PRDM4: variants seen among roughly 807,000 people sequenced by gnomAD.
The protein encoded by PRDM4 is PR/SET domain 4.
In PRDM4, 38 loss-of-function variants were observed where a neutral mutation model predicts 62.3. That is an observed-to-expected ratio of 0.61 (90% CI 0.47 to 0.80). PRDM4 has a LOEUF of 0.80. Ranked by LOEUF, PRDM4 falls within the 30% of genes least tolerant of loss-of-function variation. PRDM4 has a pLI of 0.00. For synonymous variants in PRDM4, 339 were observed against 348.2 expected (o/e 0.97, Z 0.30); for missense variants, 858 against 997.1 (o/e 0.86, Z 1.88).
chr12:107,735,569 G>A (rs905357644), intron 11 of PRDM4, among the ~76,000 whole-genome samples: 4 of 151,720 alleles, frequency 2.6e-5, no homozygotes, highest in Admixed American at 1.3e-4. Flanking sequence ...ACTGGGGAGG[G>A]GTGGTATAAT....
chr12:107,733,003 T>TG lies in PRDM4; in HGVS notation c.*1206dup, dbSNP rs2136302594. ...CTACTCCAGCCCAGAGGTTGTGCCT[T>TG]GAGCAGGAGAGCATGTTCCATCAAT... is the stretch of plus-strand genomic sequence containing the variant. On this transcript the variant is annotated 3_prime_UTR_variant, in exon 12 of 12. Transcript: ENST00000228437. 1.3e-5 allele frequency: 2 copies of TG among 152,772 alleles called. No homozygotes were observed. Among genetic ancestry groups the TG allele is most frequent in the African/African-American group, 4.8e-5 (2 of 41,584 alleles). 9.5% of individuals were successfully genotyped at this position (152,772 alleles called of 1,614,324 possible).
chr12:107,754,149 G>C, intron 3 of PRDM4, 40 bp from the exon 4 acceptor site: 2 of 1,465,172 alleles, frequency 1.4e-6, no homozygotes, highest in African/African-American at 1.4e-5. Flanking sequence ...AAAGAAAATA[G>C]GTAATTAAAA....
At chr12:107,756,701 A>G (rs1298351803) in intron 3 of PRDM4, 131 bp downstream of exon 3, 15 of 1,075,034 alleles carry the variant, frequency 1.4e-5, no homozygotes, top group African/African-American at 3.2e-5. Flanking sequence ...ATGTTGAACC[A>G]CCATTCAGGC....
At position 107,751,626 on chromosome 12, in the gene PRDM4, G is replaced by A; in HGVS notation, c.915C>T (p.Thr305=). The A allele has an allele frequency of 1.9e-6, 3 of 1,614,034 alleles. No homozygotes were observed. Among genetic ancestry groups the A allele is most frequent in the Non-Finnish European group, 2.5e-6 (3 of 1,179,892 alleles). Residue 305 remains threonine, a synonymous_variant, in exon 5 of 12, where the codon ACC becomes ACT. Coordinates refer to ENST00000228437, the MANE Select transcript of PRDM4 (RefSeq NM_012406.4). ...ATTCTAGGGAGGCAAGGTTGTGTGA[G>A]GTAGAGAGTGCCACGCTTACAGAGT... ...STNSVSVALS[T]SHNLASLESV...
chr12:107,749,072 G>A (rs1485908879), intron 5 of PRDM4, among the ~76,000 whole-genome samples: 3 of 152,056 alleles, frequency 2.0e-5, no homozygotes, highest in South Asian at 2.1e-4. Context: ...TGATGCTCCC[G>A]TTGAGTCTAT....
rs746706092 is a variant in PRDM4 at position 107,751,594 on chromosome 12, G to C, written c.947C>G (p.Ser316Cys). The change falls in exon 5 of 12, where the codon TCC becomes TGC. Residue 316 changes from serine (S) to cysteine (C), a missense_variant. Physicochemically the swap from Ser to Cys is moderately radical, Grantham distance 112. Transcript: ENST00000228437. ...SHNLASLESV[S>C]LHEVGLSLEP... The stretch of plus-strand genomic sequence containing the variant: ...TAGGCTGAGGCCAACTTCATGGAGG[G>C]AAACAGATTCTAGGGAGGCAAGGTT... 1 of 1,613,724 alleles carries C rather than the reference G, an allele frequency of 6.2e-7. No individual in the cohort carries two copies. The highest frequency in any genetic ancestry group is 1.1e-5 in the South Asian group (1 of 91,078).
rs200896903 is a variant in PRDM4, at chr12:107,751,814, T to G, written c.727A>C (p.Asn243His). 77 of 1,614,104 alleles carry G rather than the reference T, an allele frequency of 4.8e-5. No homozygotes were observed. Among genetic ancestry groups the G allele is most frequent in the Non-Finnish European group, 5.8e-5 (68 of 1,180,040 alleles). ...EPLSVDSVSN[N>H]LAADAVGHGG... ...TGTCCTACAGCGTCTGCTGCAAGGT[T>G]GTTGCTCACAGAATCCACAGACAGA... The change falls in exon 5 of 12, where the codon AAC (asparagine) becomes CAC (histidine). Residue 243 changes from asparagine to histidine, a missense_variant. Asn to His is a moderately conservative substitution (Grantham distance 68). Coordinates refer to ENST00000228437, the MANE Select transcript of PRDM4 (RefSeq NM_012406.4).
At position 107,746,325 on chromosome 12, in the gene PRDM4, G is replaced by C. The variant is rs748539764; in HGVS notation, c.1226C>G (p.Ser409Cys). 6.2e-7 allele frequency: 1 copy of C among 1,614,142 alleles called. No individual in the cohort carries two copies. The highest frequency in any genetic ancestry group is 1.7e-5 in the Admixed American group (1 of 60,008). The change falls in exon 6 of 12, where the codon TCT (serine) becomes TGT (cysteine). Residue 409 changes from serine to cysteine, a missense_variant. Around this residue, in one of 3 missense-constraint regions of PRDM4, gnomAD observed 499 missense variants for 546.7 expected, o/e 0.91. Transcript: ENST00000228437. ...DTPIESRARL[S>C]LPKQLVLRQS... ...ACGGAGAACAAGCTGCTTTGGGAGA[G>C]AAAGCCTTGCTCTGCTCTCTATTGG...
intron 11 of PRDM4, among the ~76,000 whole-genome samples, chr12:107,738,858 T>C (rs1313471274): frequency 6.8e-6 from 1 of 146,694 alleles, no homozygotes; most frequent in Non-Finnish European, 1.5e-5. Context: ...AATTTTTTTT[T>C]TTTAACTGCA....
chr12:107,749,946 G>A (rs1890837507), intron 5 of PRDM4, among the ~76,000 whole-genome samples: 1 of 152,050 alleles, frequency 6.6e-6, no homozygotes, highest in African/African-American at 2.4e-5. Flanking sequence ...GGCACTTACA[G>A]GTGCCAGCTC....
At position 107,746,353 on chromosome 12, in the gene PRDM4, T is replaced by C. The variant is rs151290357; in HGVS notation, c.1198A>G (p.Thr400Ala). 5 of 1,613,740 alleles carry C rather than the reference T, an allele frequency of 3.1e-6. No individual in the cohort carries two copies. The highest frequency in any genetic ancestry group is 2.2e-5 in the East Asian group (1 of 44,862). The stretch of plus-strand genomic sequence containing the variant: ...AGCCTTGCTCTGCTCTCTATTGGAG[T>C]GTCAGGAACAAAAGTCACTGGTCCA... ...EHGPVTFVPD[T>A]PIESRARLSL... is the part of the protein sequence containing the mutation. The change falls in exon 6 of 12, where the codon ACT becomes GCT. Residue 400 changes from threonine (T) to alanine (A), a missense_variant. Around this residue, in one of 3 missense-constraint regions of PRDM4, gnomAD observed 499 missense variants for 546.7 expected, o/e 0.91. Coordinates refer to ENST00000228437, the MANE Select transcript of PRDM4 (RefSeq NM_012406.4).
At chr12:107,748,079 T>C (rs1257568165) in intron 5 of PRDM4, among the ~76,000 whole-genome samples, 1 of 152,108 alleles carries the variant, frequency 6.6e-6, no homozygotes, top group African/African-American at 2.4e-5. Flanking sequence ...CTGGGGAGGC[T>C]GAGGTGGAAG....
chr12:107,756,474 A>G (rs1891069554), intron 3 of PRDM4, among the ~76,000 whole-genome samples: 3 of 152,200 alleles, frequency 2.0e-5, no homozygotes, highest in Non-Finnish European at 4.4e-5. Context: ...TAGTTATTAG[A>G]GTAATTTTAA....
rs1322818236 is a variant in PRDM4, at chr12:107,741,256, A to G, written c.1614T>C (p.Val538=). 6 of 1,600,262 alleles carry G rather than the reference A, an allele frequency of 3.7e-6. No individual in the cohort carries two copies. The Admixed American group carries it at 5.1e-5, about 14-fold the overall frequency. Residue 538 remains valine (V), a synonymous_variant, in exon 10 of 12, where the codon GTT becomes GTC. Coordinates refer to ENST00000228437, the MANE Select transcript of PRDM4 (RefSeq NM_012406.4). ...YSRDYAQQIG[V]PEHPDVHLCN... is the part of the protein sequence containing the mutation. ...AGAGATGCACATCTGGGTGTTCAGG[A>G]ACACCTTTTAAAAAAAAATTACTCA...
At position 107,734,161 on chromosome 12, in the gene PRDM4, G is replaced by A; in HGVS notation, c.*49C>T. ...CATTATAGTAGATAACTGGTTATGTGTATTTTTCCATTTGCATTTTCATCC... is the reference window on the plus strand; with the variant it reads ...CATTATAGTAGATAACTGGTTATGTATATTTTTCCATTTGCATTTTCATCC... On this transcript the variant is annotated 3_prime_UTR_variant, in exon 12 of 12. Transcript: ENST00000228437. 1 of 1,523,106 alleles carries A rather than the reference G, an allele frequency of 6.6e-7. No homozygotes were observed. The highest frequency in any genetic ancestry group is 8.8e-7 in the Non-Finnish European group (1 of 1,130,474). The allele number at this position is 1,523,106 out of a possible 1,614,324, so 94.3% of individuals were successfully genotyped here. A position where few individuals can be genotyped will look rare whatever the true frequency, so the allele number is the denominator to read the frequency against.
At chr12:107,760,898 G>GCCCGCAGGCCGGGCTGCCGCGC (rs1891227069) in intron 1 of PRDM4, 59 bp downstream of exon 1, 1 of 148,622 alleles carries the variant, frequency 6.7e-6, no homozygotes, top group East Asian at 2.0e-4. Context: ...CCCGCCCGCG[G>GCCCGCAGGCCGGGCTGCCGCGC]CCCGCAGGCC....
Position 107,740,951 on chromosome 12 carries a change from T to G in PRDM4, c.1919A>C (p.His640Pro), listed in dbSNP as rs976056236. Residue 640 changes from histidine (H) to proline (P), a missense_variant, in exon 10 of 12, where the codon CAT becomes CCT. By Grantham distance (77) the His-to-Pro change is moderately conservative (BLOSUM62 -2). Transcript: ENST00000228437. Reference protein sequence around the residue: ...PSNLRTHLKIHTGQKNYRCTL... With the variant: ...PSNLRTHLKIPTGQKNYRCTL... ...GATGGGCCAACACAACTTACCTGTA[T>G]GTATCTTGAGGTGGGTCCGCAGGTT... is the stretch of plus-strand genomic sequence containing the variant. The G allele has an allele frequency of 3.1e-6, 5 of 1,612,828 alleles. No individual in the cohort carries two copies. The highest frequency in any genetic ancestry group is 1.7e-5 in the Admixed American group (1 of 59,900).
chr12:107,734,442 T>C lies in PRDM4; in HGVS notation c.2174A>G (p.Glu725Gly). ...NHLKKHLNSH[E>G]GKRDYVCEKC... ...TTCACAGACATAATCCCGTTTTCCT[T>C]CATGAGAATTGAGATGCTTCTTTAA... is the stretch of plus-strand genomic sequence containing the variant. Residue 725 changes from glutamate to glycine, a missense_variant, in exon 12 of 12, where the codon GAA (glutamate) becomes GGA (glycine). Physicochemically the swap from Glu to Gly is moderately conservative, Grantham distance 98. Coordinates refer to ENST00000228437, the MANE Select transcript of PRDM4 (RefSeq NM_012406.4). 1 of 1,614,144 alleles carries C rather than the reference T, an allele frequency of 6.2e-7. No individual in the cohort carries two copies. The highest frequency in any genetic ancestry group is 8.5e-7 in the Non-Finnish European group (1 of 1,179,990).
chr12:107,734,207 CTTTTA>C lies in PRDM4; in HGVS notation c.2404_*2del. 6.4e-6 allele frequency: 10 copies of C among 1,568,422 alleles called. No individual in the cohort carries two copies. Among genetic ancestry groups the C allele is most frequent in the Non-Finnish European group, 8.6e-6 (10 of 1,159,526 alleles). On this transcript the variant is annotated stop_lost and 3_prime_UTR_variant, in exon 12 of 12. Transcript: ENST00000228437. ...CATCCAAAATTGCTTGTTTCTTTTC[CTTTTA>C]TTTATGTGCAGAAAGAGACTCATCC...
Sources: gnomAD v4.1 joint callset for allele counts (sites outside exome capture counted in the v4.1 genomes callset) on GRCh38, gnomAD v4.1.1 for gene constraint, gnomAD v4.1.1 regional missense constraint, MANE v1.5 for transcripts, NCBI Gene and HGNC (gene_info 2026-07-23, HGNC 2026-07-21) for gene names.